Variants in CYP2A6 observed in about 807,000 individuals in gnomAD.
CYP2A6 encodes the protein cytochrome P450 2A6.
In CYP2A6, 27 loss-of-function variants were observed where a neutral mutation model predicts 42.3. The ratio of observed to expected loss-of-function variants is 0.64; its 90% confidence interval spans 0.47 to 0.88. CYP2A6 has a LOEUF of 0.88. CYP2A6 is among the 40% of genes least tolerant of loss of function. The pLI is 0.00. For synonymous variants in CYP2A6, 238 were observed against 246.3 expected, an observed-to-expected ratio of 0.97 and a Z score of 0.31; for missense variants, 628 against 646.0, an observed-to-expected ratio of 0.97 and a Z score of 0.30.
intron 2 of CYP2A6, 59 bp downstream of exon 2, chr19:40,849,759 G>A: frequency 1.2e-6 from 2 of 1,602,572 alleles, no homozygotes; most frequent in Non-Finnish European, 1.7e-6. Context: ...GAGAAGGCTG[G>A]GAACACTGAG....
Position 40,850,265 on chromosome 19 carries a change from C to T in CYP2A6, c.162G>A (p.Met54Ile). ...GNYLQLNTEQ[M>I]YNSLMKISER... is the part of the protein sequence containing the mutation. Reference sequence around the variant, plus strand: ...GGGACACCTTCATGAGGGAGTTGTACATCTGCTCTGTGTTCAGCTGCAGGT... The same window carrying T: ...GGGACACCTTCATGAGGGAGTTGTATATCTGCTCTGTGTTCAGCTGCAGGT... The change falls in exon 1 of 9, where the codon ATG becomes ATA. Residue 54 changes from methionine to isoleucine, a missense_variant. Physicochemically the swap from Met to Ile is conservative, Grantham distance 10. Around this residue, in one of 2 missense-constraint regions of CYP2A6, gnomAD observed 606 missense variants for 568.1 expected, o/e 1.07. Transcript: ENST00000301141. 6.2e-7 allele frequency: 1 copy of T among 1,609,610 alleles called. No homozygotes were observed. The highest frequency in any genetic ancestry group is 8.5e-7 in the Non-Finnish European group (1 of 1,178,482).
chr19:40,843,582 T>C lies in CYP2A6; in HGVS notation c.*214A>G, dbSNP rs1568513079. On this transcript the variant is annotated 3_prime_UTR_variant, in exon 9 of 9. Transcript: ENST00000301141. The stretch of plus-strand genomic sequence containing the variant: ...GCTATTATTACTACTCTTCATAGCA[T>C]AATGTAAGGGTTTCCTTCCTCTCAT... 1 of 847,350 alleles carries C rather than the reference T, an allele frequency of 1.2e-6. No homozygotes were observed. Among genetic ancestry groups the C allele is most frequent in the Non-Finnish European group, 1.8e-6 (1 of 564,334 alleles). The allele number at this position is 847,350 out of a possible 1,614,324, so 52.5% of individuals were successfully genotyped here. A position where few individuals can be genotyped will look rare whatever the true frequency, so the allele number is the denominator to read the frequency against.
In CYP2A6 at chr19:40,845,998, G is replaced by C. The variant is rs58571639; in HGVS notation, c.931C>G (p.Arg311Gly). ...TTCATGAGCAGCAAGAAGCCATAGC[G>C]CAGGGTGGTGCTGACGGTCTCGGTG... is the stretch of plus-strand genomic sequence containing the variant. The part of the protein sequence containing the change: ...GGTETVSTTL[R>G]YGFLLLMKHP... The change falls in exon 6 of 9, where the codon CGC becomes GGC. Residue 311 changes from arginine (R) to glycine (G), a missense_variant. Physicochemically the swap from Arg to Gly is moderately radical, Grantham distance 125. Transcript: ENST00000301141. The C allele has an allele frequency of 6.2e-7, 1 of 1,610,734 alleles. No homozygotes were observed. The highest frequency in any genetic ancestry group is 8.5e-7 in the Non-Finnish European group (1 of 1,179,392).
At chr19:40,848,969 AGAGAGAGAAGAGAGAGAG>A (rs1444935889) in intron 2 of CYP2A6, among the ~76,000 whole-genome samples, 1 of 111,982 alleles carries the variant, frequency 8.9e-6, no homozygotes, top group African/African-American at 3.8e-5. Context: ...AGAGAGAGAG[AGAGAGAGAAGAGAGAGAG>A]GAGAGAGAGA....
rs1483185439 is a variant in CYP2A6, at chr19:40,846,065, C to G, written c.864G>C (p.Leu288Phe). 6 of 1,611,510 alleles carry G rather than the reference C, an allele frequency of 3.7e-6. No homozygotes were observed. The highest frequency in any genetic ancestry group is 5.1e-6 in the Non-Finnish European group (6 of 1,179,884). The change falls in exon 6 of 9, where the codon TTG becomes TTC. Residue 288 changes from leucine (L) to phenylalanine (F), a missense_variant. By Grantham distance (22) the Leu-to-Phe change is conservative (BLOSUM62 0). Coordinates refer to ENST00000301141, the MANE Select transcript of CYP2A6 (RefSeq NM_000762.6). ...EEKNPNTEFY[L>F]KNLVMTTLNL... ...TCAACGTGGTCATCACCAGGTTTTT[C>G]AAGTAGAACTCCGTGTTGGGGTTCT...
rs202136237 is a variant in CYP2A6 at position 40,845,284 on chromosome 19, C to A, written c.1161+10G>T. 47 of 1,610,586 alleles carry A rather than the reference C, an allele frequency of 2.9e-5. No homozygotes were observed. In the East Asian group the frequency reaches 9.5e-4, roughly 32 times the overall value. On this transcript the variant is annotated intron_variant, in intron 7 of 8. Transcript: ENST00000301141. ...GTCCCCGTAGTCTGGGGGGTGGGGG[C>A]GGATAGCACCTTAGGGAGGAAGAAA...
At chr19:40,848,571 T>A (rs1252489398) in intron 3 of CYP2A6, 43 bp downstream of exon 3, 2 of 1,603,546 alleles carry the variant, frequency 1.2e-6, no homozygotes, top group Non-Finnish European at 1.7e-6. Flanking sequence ...TCGTCCTGGG[T>A]GTTTTCCTTC....
At position 40,850,077 on chromosome 19, in the gene CYP2A6, G is replaced by A. The variant is rs967932097; in HGVS notation, c.181-97C>T. On this transcript the variant is annotated intron_variant, in intron 1 of 8. Coordinates refer to ENST00000301141, the MANE Select transcript of CYP2A6 (RefSeq NM_000762.6). ...ATGTGCTGGGATGCTTCGCACCCAG[G>A]TTCTCACAGTCAGGGAGCTGGACAT... 28 of 1,551,578 alleles carry A rather than the reference G, an allele frequency of 1.8e-5. 1 individual carries two copies.
At chr19:40,847,940 A>G (rs1430329680) in intron 4 of CYP2A6, among the ~76,000 whole-genome samples, 1 of 151,662 alleles carries the variant, frequency 6.6e-6, no homozygotes, top group African/African-American at 2.4e-5. Context: ...TGGGGATGGG[A>G]ACACGTGCCC....
Position 40,844,841 on chromosome 19 carries a change from G to C in CYP2A6, c.1162-69C>G, listed in dbSNP as rs574299338. ...GATTGGTGAAAGTACACAGGGGCTG[G>C]AGGGGGAACTAGTGTGCCCCAGGTA... On this transcript the variant is annotated intron_variant, in intron 7 of 8. Coordinates refer to ENST00000301141, the MANE Select transcript of CYP2A6 (RefSeq NM_000762.6). The C allele has an allele frequency of 1.1e-3, 1,689 of 1,550,966 alleles. 23 individuals are homozygous for C. Among genetic ancestry groups the C allele is most frequent in the Non-Finnish European group, 1.1e-3 (1,228 of 1,146,802 alleles).
intron 2 of CYP2A6, among the ~76,000 whole-genome samples, chr19:40,849,011 AAG>A (rs1440289322): frequency 3.9e-5 from 2 of 50,722 alleles, no homozygotes; most frequent in South Asian, 7.2e-4. Context: ...AGAGAGAGAG[AAG>A]AGAGAGAGGA....
Position 40,850,444 on chromosome 19 carries a change from A to G in CYP2A6, c.-18T>C. Reference sequence around the variant, plus strand: ...GCCAGCATGGTGGTAGTGGGATGATAGATGGTGACGGCTGGGGTGGTTTGC... The same window carrying G: ...GCCAGCATGGTGGTAGTGGGATGATGGATGGTGACGGCTGGGGTGGTTTGC... On this transcript the variant is annotated 5_prime_UTR_variant, in exon 1 of 9. Transcript: ENST00000301141. The G allele has an allele frequency of 1.2e-6, 2 of 1,603,242 alleles. No individual in the cohort carries two copies. Among genetic ancestry groups the G allele is most frequent in the East Asian group, 2.3e-5 (1 of 43,166 alleles).
Position 40,845,491 on chromosome 19 carries a change from G to T in CYP2A6, c.974-10C>A, listed in dbSNP as rs760608680. 1 of 1,611,294 alleles carries T rather than the reference G, an allele frequency of 6.2e-7. No homozygotes were observed. The highest frequency in any genetic ancestry group is 1.7e-5 in the Admixed American group (1 of 59,976). Reference sequence around the variant, plus strand: ...TCCTCATGGACCTTGGCTGGGGGAGGAGGGGGAATGTGTTTAGGTATCTAG... The same window carrying T: ...TCCTCATGGACCTTGGCTGGGGGAGTAGGGGGAATGTGTTTAGGTATCTAG... On this transcript the variant is annotated splice_polypyrimidine_tract_variant and intron_variant, in intron 6 of 8. Coordinates refer to ENST00000301141, the MANE Select transcript of CYP2A6 (RefSeq NM_000762.6).
Position 40,845,404 on chromosome 19 carries a change from A to G in CYP2A6, c.1051T>C (p.Tyr351His), listed in dbSNP as rs148166815. ...ATCTCGTGGATCACTGCCTCCATGT[A>G]GGGCATCTTGGCCCGGTCCTCAAAC... Reference protein sequence around the residue: ...PKFEDRAKMPYMEAVIHEIQR... With the variant: ...PKFEDRAKMPHMEAVIHEIQR... Residue 351 changes from tyrosine (Y) to histidine (H), a missense_variant, in exon 7 of 9, where the codon TAC (tyrosine) becomes CAC (histidine). Physicochemically the swap from Tyr to His is moderately conservative, Grantham distance 83. This residue lies in a region of CYP2A6 where 606 missense variants were observed against 568.1 expected (regional missense o/e 1.07). Transcript: ENST00000301141. The G allele has an allele frequency of 1.1e-4, 171 of 1,611,624 alleles. No individual in the cohort carries two copies. Among genetic ancestry groups the G allele is most frequent in the Non-Finnish European group, 1.4e-4 (161 of 1,179,926 alleles).
At chr19:40,845,618 T>C in intron 6 of CYP2A6, 137 bp from the exon 7 acceptor site, 2 of 1,402,438 alleles carry the variant, frequency 1.4e-6, no homozygotes, top group South Asian at 2.9e-5. Context: ...AGAACAGACA[T>C]CAGCCATTCG....
chr19:40,847,944 C>T (rs2388868), intron 4 of CYP2A6, among the ~76,000 whole-genome samples: 109,852 of 146,772 alleles, frequency 0.75, 40,802 homozygotes, highest in Admixed American at 0.76. Flanking sequence ...GATGGGAACA[C>T]GTGCCCAGGT....
chr19:40,845,723 T>C (rs2388870), intron 6 of CYP2A6, among the ~76,000 whole-genome samples: 18 of 150,876 alleles, frequency 1.2e-4, no homozygotes, highest in East Asian at 1.0e-3. Flanking sequence ...GAACGGGCAG[T>C]GGGCACTCAG....
intron 4 of CYP2A6, 30 bp downstream of exon 4, chr19:40,848,189 G>A (rs1020070916): frequency 3.1e-6 from 5 of 1,608,414 alleles, no homozygotes; most frequent in African/African-American, 2.7e-5. Flanking sequence ...TTGTGGTAGG[G>A]GCGTCACGGG....
At position 40,845,487 on chromosome 19, in the gene CYP2A6, G is replaced by C; in HGVS notation, c.974-6C>G. ...AATCTCCTCATGGACCTTGGCTGGG[G>C]GAGGAGGGGGAATGTGTTTAGGTAT... On this transcript the variant is annotated splice_region_variant and splice_polypyrimidine_tract_variant and intron_variant, in intron 6 of 8. Transcript: ENST00000301141. 5 of 1,611,422 alleles carry C rather than the reference G, an allele frequency of 3.1e-6. No homozygotes were observed. The highest frequency in any genetic ancestry group is 1.1e-5 in the South Asian group (1 of 90,866).
Sources: gnomAD v4.1 joint callset for allele counts (sites outside exome capture counted in the v4.1 genomes callset) on GRCh38, gnomAD v4.1.1 for gene constraint, gnomAD v4.1.1 regional missense constraint, MANE v1.5 for transcripts, NCBI Gene and HGNC (gene_info 2026-07-23, HGNC 2026-07-21) for gene names.